Variants in KCNQ3 observed in about 807,000 individuals in gnomAD.
KCNQ3 encodes the protein potassium voltage-gated channel subfamily KQT member 3.
KCNQ3 carries 30 observed loss-of-function variants against 92.5 expected under a neutral mutation model. The ratio of observed to expected loss-of-function variants is 0.32; its 90% CI spans 0.24 to 0.44. The LOEUF (loss-of-function observed/expected upper bound fraction) is 0.44. Among genes scored for constraint, KCNQ3 ranks in the 20% least tolerant of loss-of-function variants. KCNQ3 has a pLI of 1.00. For synonymous variants in KCNQ3, 450 were observed against 468.8 expected (o/e 0.96, Z 0.52); for missense variants, 913 against 1,140.3 (o/e 0.80, Z 2.87).
rs552281820 is a variant in KCNQ3, at chr8:132,254,298, T to G, written c.387-68117A>C. On this transcript the variant is annotated intron_variant, in intron 1 of 14. Transcript: ENST00000388996. ...TGCTCGACTTTACACAAATGAGTGA[T>G]TGGTGAGTAAACAGTACAGAAATTA... Among the ~76,000 whole-genome samples, 34 of 152,284 alleles carry G rather than the reference T, an allele frequency of 2.2e-4. 1 individual carries two copies. The highest frequency in any genetic ancestry group is 2.2e-3 in the Admixed American group (33 of 15,302).
intron 8 of KCNQ3, among the ~76,000 whole-genome samples, chr8:132,169,637 T>C (rs1260865583): frequency 6.6e-6 from 1 of 152,114 alleles, no homozygotes; most frequent in Non-Finnish European, 1.5e-5. Context: ...GCTCATTGTG[T>C]GGGCTGCCCA....
At chr8:132,364,488 T>A (rs1819258761) in intron 1 of KCNQ3, among the ~76,000 whole-genome samples, 1 of 152,116 alleles carries the variant, frequency 6.6e-6, no homozygotes, top group Non-Finnish European at 1.5e-5. Flanking sequence ...CATCTCAAGG[T>A]TCAGGAAATA....
chr8:132,402,619 T>C (rs1414987577), intron 1 of KCNQ3, among the ~76,000 whole-genome samples: 1 of 152,100 alleles, frequency 6.6e-6, no homozygotes, highest in Non-Finnish European at 1.5e-5. Context: ...AACTATTCTG[T>C]AGGATACTAT....
chr8:132,156,342 G>A (rs1825794730), intron 9 of KCNQ3, among the ~76,000 whole-genome samples: 2 of 151,990 alleles, frequency 1.3e-5, no homozygotes, highest in African/African-American at 4.8e-5. Flanking sequence ...AAGTTGCCAA[G>A]AGCACACAGC....
At chr8:132,445,290 G>C (rs1382709684) in intron 1 of KCNQ3, among the ~76,000 whole-genome samples, 1 of 152,108 alleles carries the variant, frequency 6.6e-6, no homozygotes, top group Admixed American at 6.5e-5. Context: ...CCCAGATCAG[G>C]AGAAGGAGAG....
intron 1 of KCNQ3, among the ~76,000 whole-genome samples, chr8:132,467,860 C>T (rs1325631546): frequency 1.3e-5 from 2 of 152,234 alleles, no homozygotes; most frequent in African/African-American, 4.8e-5. Flanking sequence ...TGATGGCACA[C>T]TGCTGTTGGA....
chr8:132,258,909 A>G (rs1000800915), intron 1 of KCNQ3, among the ~76,000 whole-genome samples: 1 of 152,086 alleles, frequency 6.6e-6, no homozygotes, highest in Non-Finnish European at 1.5e-5. Context: ...CCTAGATGAA[A>G]TGGACAAGTT....
At chr8:132,143,019 G>A (rs563368615) in intron 9 of KCNQ3, among the ~76,000 whole-genome samples, 1 of 152,192 alleles carries the variant, frequency 6.6e-6, no homozygotes, top group African/African-American at 2.4e-5. Flanking sequence ...CATACGGAAG[G>A]CATTAAGAAA....
chr8:132,478,453 CTTTT>C (rs1188623851), intron 1 of KCNQ3, among the ~76,000 whole-genome samples: 1 of 152,160 alleles, frequency 6.6e-6, no homozygotes, highest in East Asian at 1.9e-4. Flanking sequence ...CTTCTTGTGC[CTTTT>C]TTAACTATCA....
chr8:132,230,808 G>T (rs1186155975), intron 1 of KCNQ3, among the ~76,000 whole-genome samples: 1 of 152,112 alleles, frequency 6.6e-6, no homozygotes, highest in Non-Finnish European at 1.5e-5. Flanking sequence ...TCTGTCCAAA[G>T]AATTACATCC....
rs115979240 is a variant in KCNQ3, at chr8:132,179,611, C to T, written c.777+546G>A. 4.1e-3 allele frequency among the ~76,000 whole-genome samples: 624 copies of T among 152,282 alleles called. 7 individuals are homozygous for T. Among genetic ancestry groups the T allele is most frequent in the African/African-American group, 0.015 (608 of 41,548 alleles). On this transcript the variant is annotated intron_variant, in intron 4 of 14. Coordinates refer to ENST00000388996, the MANE Select transcript of KCNQ3 (RefSeq NM_004519.4). ...ACAATCTCCATGAGCTTGGTACCTT[C>T]TAAGTGCTCTTCACATATCAATTCA... is the stretch of plus-strand genomic sequence containing the variant.
chr8:132,224,111 C>CTTTTTTTTTTTTTTTTT (rs1178797269), intron 1 of KCNQ3, among the ~76,000 whole-genome samples: 35 of 63,776 alleles, frequency 5.5e-4, no homozygotes, highest in African/African-American at 7.7e-4. Context: ...TTTTTTTTTG[C>CTTTTTTTTTTTTTTTTT]TTTTGGAGAG....
chr8:132,420,899 A>G (rs1295283164), intron 1 of KCNQ3, among the ~76,000 whole-genome samples: 2 of 152,138 alleles, frequency 1.3e-5, no homozygotes, highest in East Asian at 3.9e-4. Context: ...ACCAGCACAT[A>G]GTAGAGATGT....
At chr8:132,170,956 C>G (rs1826321097) in intron 7 of KCNQ3, among the ~76,000 whole-genome samples, 2 of 151,836 alleles carry the variant, frequency 1.3e-5, no homozygotes, top group African/African-American at 4.8e-5. Context: ...GAGGTTGAGG[C>G]TGCAGTGAGC....
intron 1 of KCNQ3, chr8:132,447,385 A>C (rs1821711035): frequency 1.3e-6 from 1 of 741,146 alleles, no homozygotes; most frequent in African/African-American, 1.8e-5. Context: ...GATGTGGAGA[A>C]GACACTGCAA....
intron 1 of KCNQ3, among the ~76,000 whole-genome samples, chr8:132,378,971 C>A (rs1476049118): frequency 1.3e-5 from 2 of 152,208 alleles, no homozygotes; most frequent in East Asian, 1.9e-4. Flanking sequence ...AGAAGAAGCA[C>A]TGAGAAGCCA....
intron 1 of KCNQ3, among the ~76,000 whole-genome samples, chr8:132,234,986 T>C (rs1438466463): frequency 1.3e-5 from 2 of 152,338 alleles, no homozygotes; most frequent in South Asian, 2.1e-4. Context: ...TTCAAAATCA[T>C]TGATTTATAT....
intron 9 of KCNQ3, among the ~76,000 whole-genome samples, chr8:132,142,843 G>T (rs1277692959): frequency 1.3e-5 from 2 of 152,158 alleles, no homozygotes; most frequent in Non-Finnish European, 2.9e-5. Flanking sequence ...TCATGGTGTT[G>T]TGGCTGCTGG....
At chr8:132,359,324 C>T (rs530918310) in intron 1 of KCNQ3, among the ~76,000 whole-genome samples, 2 of 152,306 alleles carry the variant, frequency 1.3e-5, no homozygotes, top group African/African-American at 4.8e-5. Context: ...AAACACTTGC[C>T]AATTTCCCAG....
Sources: gnomAD v4.1 joint callset for allele counts (sites outside exome capture counted in the v4.1 genomes callset) on GRCh38, gnomAD v4.1.1 for gene constraint, MANE v1.5 for transcripts, NCBI Gene and HGNC (gene_info 2026-07-23, HGNC 2026-07-21) for gene names.